Variants in ASIC2 observed in about 807,000 individuals in gnomAD.
The protein encoded by ASIC2 is acid-sensing ion channel 2.
In ASIC2, 25 loss-of-function variants were observed where a neutral mutation model predicts 57.3. The ratio of observed to expected loss-of-function variants is 0.44; its 90% CI spans 0.32 to 0.61. The LOEUF (loss-of-function observed/expected upper bound fraction) is 0.61, where lower values mean the gene tolerates loss of function less well. Ranked by LOEUF, ASIC2 falls within the 20% of genes least tolerant of loss-of-function variation. The probability of loss-of-function intolerance (pLI) is 0.06; values close to 1 mark genes in which losing one functional copy is unlikely to be tolerated. For synonymous variants in ASIC2, 319 were observed against 307.5 expected (o/e 1.04, Z -0.39); for missense variants, 641 against 738.1 (o/e 0.87, Z 1.52).
intron 1 of ASIC2, among the ~76,000 whole-genome samples, chr17:33,347,897 T>A (rs1478292761): frequency 6.6e-6 from 1 of 151,800 alleles, no homozygotes; most frequent in Admixed American, 6.6e-5. Context: ...AGGCCGGGAG[T>A]TCAAGACCAG....
intron 1 of ASIC2, chr17:33,955,298 C>CTTT (rs1904699479): frequency 6.6e-6 from 1 of 152,214 alleles, no homozygotes; most frequent in Non-Finnish European, 1.5e-5. Context: ...ACTGTCTTTC[C>CTTT]ATTTTAAATC....
At chr17:33,266,506 CT>C (rs1432910541) in intron 1 of ASIC2, among the ~76,000 whole-genome samples, 2 of 151,930 alleles carry the variant, frequency 1.3e-5, no homozygotes, top group African/African-American at 4.8e-5. Context: ...AGTAGAAAAT[CT>C]TTTTTCTTCT....
At chr17:33,266,417 A>G (rs1012656892) in intron 1 of ASIC2, among the ~76,000 whole-genome samples, 2 of 152,246 alleles carry the variant, frequency 1.3e-5, no homozygotes, top group Admixed American at 6.5e-5. Context: ...GTGATGAATG[A>G]AAAACAACAG....
At position 33,289,905 on chromosome 17, in the gene ASIC2, C is replaced by CA. The variant is rs201657299; in HGVS notation, c.708+1502dup. On this transcript the variant is annotated intron_variant, in intron 1 of 9. Coordinates refer to ENST00000225823, the MANE Select transcript of ASIC2 (RefSeq NM_183377.2). ...CTTGAGGCTGCTAATTAGTGATCAG[C>CA]AAAAAAAACAATAAACAACAAGAGA... Among the ~76,000 whole-genome samples the CA allele has an allele frequency of 2.4e-3, 365 of 151,546 alleles. 4 individuals carry two copies. The South Asian group carries it at 0.033, about 14-fold the overall frequency.
chr17:33,345,558 C>A lies in ASIC2; in HGVS notation c.556-233491G>T, dbSNP rs574669060. On this transcript the variant is annotated intron_variant, in intron 1 of 9. Coordinates refer to the ASIC2 transcript ENST00000359872. ...GGCTGCTTTTGATTGGGTGGTCAGA[C>A]CAGGAGAAGAGGAAATCCCAAACAG... Among the ~76,000 whole-genome samples, 10 of 152,066 alleles carry A rather than the reference C, an allele frequency of 6.6e-5. No homozygotes were observed. In the South Asian group the frequency reaches 2.1e-3, roughly 32 times the overall value.
intron 1 of ASIC2, among the ~76,000 whole-genome samples, chr17:33,906,539 G>A (rs1915354315): frequency 6.6e-6 from 1 of 152,128 alleles, no homozygotes; most frequent in Non-Finnish European, 1.5e-5. Flanking sequence ...AAACCAGGTG[G>A]TACATTAAGA....
intron 1 of ASIC2, among the ~76,000 whole-genome samples, chr17:33,721,953 G>C (rs989156647): frequency 1.3e-5 from 2 of 152,128 alleles, no homozygotes; most frequent in Admixed American, 1.3e-4. Flanking sequence ...AGAAAGTGAA[G>C]AAGCAAACCA....
At chr17:34,094,800 T>G (rs143868949) in intron 1 of ASIC2, among the ~76,000 whole-genome samples, 1 of 152,316 alleles carries the variant, frequency 6.6e-6, no homozygotes, top group Non-Finnish European at 1.5e-5. Context: ...TCATAAATAT[T>G]AAACCCCTAC....
At chr17:33,062,197 C>A (rs2092023638) in intron 3 of ASIC2, among the ~76,000 whole-genome samples, 1 of 152,160 alleles carries the variant, frequency 6.6e-6, no homozygotes, top group East Asian at 1.9e-4. Context: ...TTCTTGCCTT[C>A]TGCTAGCTTT....
chr17:33,292,205 G>GTGGAAGCAGCAGCAT lies in ASIC2; in HGVS notation c.-91_-90insATGCTGCTGCTTCCA. On this transcript the variant is annotated 5_prime_UTR_variant, in exon 1 of 10. In the 5' UTR this introduces an upstream ATG that the reference lacks. Transcript: ENST00000225823. ...CGCAGCAGCAGTGGAAGCAGCAGCA[G>GTGGAAGCAGCAGCAT]CGGCAGCCGCGCGCAGCCCGCGCCA... 1 of 1,004,742 alleles carries GTGGAAGCAGCAGCAT rather than the reference G, an allele frequency of 1.0e-6. No individual in the cohort carries two copies. The allele number at this position is 1,004,742 out of a possible 1,614,324, so 62.2% of individuals were successfully genotyped here. A position where few individuals can be genotyped will look rare whatever the true frequency, so the allele number is the denominator to read the frequency against.
intron 1 of ASIC2, among the ~76,000 whole-genome samples, chr17:33,602,132 G>A (rs1482668842): frequency 3.3e-5 from 5 of 152,302 alleles, no homozygotes; most frequent in Non-Finnish European, 7.3e-5. Flanking sequence ...TTGGAGTTTG[G>A]ACTTTCGAGT....
chr17:33,550,592 C>T (rs1915722456), intron 1 of ASIC2, among the ~76,000 whole-genome samples: 1 of 152,168 alleles, frequency 6.6e-6, no homozygotes, highest in African/African-American at 2.4e-5. Context: ...TAGGTTTGGT[C>T]CTGTCTATAT....
intron 2 of ASIC2, among the ~76,000 whole-genome samples, chr17:33,104,985 C>T (rs1410610736): frequency 1.3e-5 from 2 of 152,304 alleles, no homozygotes; most frequent in Non-Finnish European, 2.9e-5. Context: ...CAGGCTTCTC[C>T]CTCACCCTGG....
chr17:33,272,166 G>C (rs560275948), intron 1 of ASIC2, among the ~76,000 whole-genome samples: 7 of 152,262 alleles, frequency 4.6e-5, no homozygotes, highest in African/African-American at 1.7e-4. Context: ...ATGAGCTAAA[G>C]CATCTTACAA....
At position 33,147,823 on chromosome 17, in the gene ASIC2, C is replaced by T. The variant is rs184358116; in HGVS notation, c.709-35756G>A. On this transcript the variant is annotated intron_variant, in intron 1 of 9. Transcript: ENST00000225823. ...AAATGCTTGCAACAAGCCTGTGGAC[C>T]CCAATTTAGCTCCTACTCAGGGGCT... Among the ~76,000 whole-genome samples the T allele has an allele frequency of 2.5e-3, 385 of 152,250 alleles. 3 individuals are homozygous for T. The highest frequency in any genetic ancestry group is 4.9e-4 in the Non-Finnish European group (33 of 68,016).
At chr17:33,431,635 A>C (rs1210886940) in intron 1 of ASIC2, among the ~76,000 whole-genome samples, 1 of 152,164 alleles carries the variant, frequency 6.6e-6, no homozygotes, top group Non-Finnish European at 1.5e-5. Flanking sequence ...AAATCTCAGA[A>C]GAAAAGATAC....
At chr17:33,969,502 T>C (rs1021658369) in intron 1 of ASIC2, among the ~76,000 whole-genome samples, 4 of 152,140 alleles carry the variant, frequency 2.6e-5, no homozygotes, top group African/African-American at 9.7e-5. Flanking sequence ...TGGTCCCAAG[T>C]GACATCAGCA....
Position 34,108,974 on chromosome 17 carries a change from A to T in ASIC2, c.555+47004T>A, listed in dbSNP as rs554274926. Reference sequence around the variant, plus strand: ...TTATGGTTAGTGGTGTTTGCATGGAATATCTTATCTTTTTACTTTCAACAT... The same window carrying T: ...TTATGGTTAGTGGTGTTTGCATGGATTATCTTATCTTTTTACTTTCAACAT... On this transcript the variant is annotated intron_variant, in intron 1 of 9. Coordinates refer to the ASIC2 transcript ENST00000359872. 7.4e-4 allele frequency among the ~76,000 whole-genome samples: 112 copies of T among 151,776 alleles called. 1 individual carries two copies. The highest frequency in any genetic ancestry group is 2.6e-3 in the African/African-American group (109 of 41,450).
At chr17:33,550,346 G>A (rs375236943) in intron 1 of ASIC2, among the ~76,000 whole-genome samples, 22 of 152,326 alleles carry the variant, frequency 1.4e-4, no homozygotes, top group African/African-American at 5.3e-4. Flanking sequence ...GTGAGTGCTG[G>A]TGGGCTCTGC....
Sources: allele counts gnomAD v4.1 joint callset (sites outside exome capture counted in the v4.1 genomes callset), GRCh38; gene constraint gnomAD v4.1.1; transcripts MANE v1.5; gene names NCBI Gene and HGNC (gene_info 2026-07-23, HGNC 2026-07-21).